Variants in NFAT5 observed in about 807,000 individuals in gnomAD.
NFAT5 encodes the protein nuclear factor of activated T cells 5, also known as nuclear factor of activated T-cells 5.
NFAT5 carries 31 observed loss-of-function variants against 166.5 expected under a neutral mutation model. The observed-to-expected ratio is 0.19, with a 90% CI of 0.14 to 0.25. The LOEUF (loss-of-function observed/expected upper bound fraction) is 0.25. Ranked by LOEUF, NFAT5 falls within the 10% of genes least tolerant of loss-of-function variation. The pLI, the probability that NFAT5 is intolerant of heterozygous loss-of-function variation, is 1.00. For missense variants in NFAT5, 1,449 were observed against 1,821.8 expected (o/e 0.80, Z 3.72); for synonymous variants, 612 against 639.7 (o/e 0.96, Z 0.65).
intron 3 of NFAT5, among the ~76,000 whole-genome samples, chr16:69,634,305 C>T (rs907119033): frequency 1.4e-5 from 2 of 143,724 alleles, no homozygotes; most frequent in Non-Finnish European, 3.0e-5. Context: ...AAAAATCATA[C>T]ATAGTAAAAT....
intron 2 of NFAT5, among the ~76,000 whole-genome samples, chr16:69,575,827 A>G (rs973970352): frequency 1.3e-5 from 2 of 152,180 alleles, no homozygotes; most frequent in Non-Finnish European, 2.9e-5. Flanking sequence ...TTTCACATTT[A>G]ACTCTTAGAA....
Position 69,692,562 on chromosome 16 carries a change from G to A in NFAT5, c.2737G>A (p.Ala913Thr), listed in dbSNP as rs1171701258. The A allele has an allele frequency of 1.1e-5, 17 of 1,613,974 alleles. No individual in the cohort carries two copies. Among genetic ancestry groups the A allele is most frequent in the African/African-American group, 4.0e-5 (3 of 74,892 alleles). The change falls in exon 13 of 15, where the codon GCA (alanine) becomes ACA (threonine). Residue 913 changes from alanine to threonine, a missense_variant. Transcript: ENST00000349945. ...QQQQVMESSA[A>T]MVMEMQQSIC... The stretch of plus-strand genomic sequence containing the variant: ...ACAGCAAGTGATGGAATCTTCAGCC[G>A]CAATGGTGATGGAGATGCAACAGAG...
intron 11 of NFAT5, among the ~76,000 whole-genome samples, chr16:69,688,469 G>A (rs1322897377): frequency 1.3e-5 from 2 of 151,986 alleles, no homozygotes; most frequent in African/African-American, 4.8e-5. Context: ...TCTGACCTCT[G>A]CCTCCTGGGT....
intron 1 of NFAT5, 71 bp from the exon 2 acceptor site, chr16:69,568,424 A>G (rs1030045913): frequency 9.7e-7 from 1 of 1,028,916 alleles, no homozygotes; most frequent in East Asian, 2.5e-5. Flanking sequence ...TATATAAGAG[A>G]TGTATGCTAT....
chr16:69,646,435 C>T (rs2151620146), intron 3 of NFAT5: 1 of 530,660 alleles, frequency 1.9e-6, no homozygotes, highest in Admixed American at 3.9e-5. Context: ...TATATTTTTT[C>T]TATTTATTTC....
chr16:69,621,449 A>G (rs1383622972), intron 2 of NFAT5, among the ~76,000 whole-genome samples: 1 of 151,968 alleles, frequency 6.6e-6, no homozygotes, highest in Non-Finnish European at 1.5e-5. Flanking sequence ...TTTCTCTCTC[A>G]TCTAAGTGAT....
intron 2 of NFAT5, among the ~76,000 whole-genome samples, chr16:69,608,092 C>T (rs1489997982): frequency 6.6e-6 from 1 of 151,692 alleles, no homozygotes; most frequent in African/African-American, 2.4e-5. Context: ...CGGTGGCTCA[C>T]GCCTGTAATC....
rs747227633 is a variant in NFAT5 at position 69,695,096 on chromosome 16, G to A, written c.4415-40G>A. 4 of 1,398,362 alleles carry A rather than the reference G, an allele frequency of 2.9e-6. No homozygotes were observed. The Admixed American group carries it at 5.2e-5, about 18-fold the overall frequency. The allele number at this position is 1,398,362 out of a possible 1,614,324, so 86.6% of individuals were successfully genotyped here. On this transcript the variant is annotated intron_variant, in intron 13 of 14. Coordinates refer to ENST00000349945, the MANE Select transcript of NFAT5 (RefSeq NM_138713.4). The stretch of plus-strand genomic sequence containing the variant: ...TCTATTTTTAATGTTTCTGCAGACT[G>A]TAGTCAGCTTTTAAGCTTCTGTTTT...
intron 10 of NFAT5, among the ~76,000 whole-genome samples, chr16:69,681,361 CATT>C (rs2037051517): frequency 6.6e-6 from 1 of 152,144 alleles, no homozygotes; most frequent in African/African-American, 2.4e-5. Flanking sequence ...ACTAACAAAT[CATT>C]AAGTGAAATA....
rs1370369389 is a variant in NFAT5, at chr16:69,674,620, A to G, written c.1558-2583A>G. Among the ~76,000 whole-genome samples, 4 of 152,316 alleles carry G rather than the reference A, an allele frequency of 2.6e-5. No homozygotes were observed. In the East Asian group the frequency reaches 7.7e-4, roughly 29 times the overall value. ...AGAACTAGACTAAACAAAGACTTGA[A>G]AGCTTAGAGTTATGTTTTTCAAATC... On this transcript the variant is annotated intron_variant, in intron 9 of 14. Coordinates refer to ENST00000349945, the MANE Select transcript of NFAT5 (RefSeq NM_138713.4).
Position 69,693,611 on chromosome 16 carries a change from C to T in NFAT5, c.3786C>T (p.Asn1262=), listed in dbSNP as rs148486602. Reference sequence around the variant, plus strand: ...ACTCAATAGTTGCCATGCAGAGTAACTCTCCATCCCAGGAACAGCAGCAGC... The same window carrying T: ...ACTCAATAGTTGCCATGCAGAGTAATTCTCCATCCCAGGAACAGCAGCAGC... ...SQHSIVAMQS[N]SPSQEQQQQQ... Residue 1262 remains asparagine (N), a synonymous_variant, in exon 13 of 15, where the codon AAC becomes AAT. Transcript: ENST00000349945. 4.3e-5 allele frequency: 69 copies of T among 1,614,060 alleles called. No homozygotes were observed. The highest frequency in any genetic ancestry group is 6.7e-5 in the Admixed American group (4 of 59,996).
intron 2 of NFAT5, among the ~76,000 whole-genome samples, chr16:69,598,866 T>A (rs2032960826): frequency 6.6e-6 from 1 of 151,368 alleles, no homozygotes; most frequent in South Asian, 2.1e-4. Flanking sequence ...ATACAAAAAT[T>A]AGCCGGGCGC....
chr16:69,686,753 G>A (rs1196420018), intron 11 of NFAT5, among the ~76,000 whole-genome samples: 1 of 151,784 alleles, frequency 6.6e-6, no homozygotes, highest in Admixed American at 6.6e-5. Flanking sequence ...AATCCCAGCT[G>A]CTTGGGAGAT....
In NFAT5 at chr16:69,704,377, A is replaced by G. The variant is rs2037947829; in HGVS notation, c.*8026A>G. The G allele has an allele frequency of 1.3e-5, 2 of 152,630 alleles. No individual in the cohort carries two copies. The highest frequency in any genetic ancestry group is 2.4e-5 in the African/African-American group (1 of 41,446). 9.5% of individuals were successfully genotyped at this position (152,630 alleles called of 1,614,324 possible). ...TATTTAATTTTATTTGCTTGAGCAC[A>G]CTGATCAACCACTGAACTGCCTTCT... On this transcript the variant is annotated 3_prime_UTR_variant, in exon 15 of 15. Coordinates refer to ENST00000349945, the MANE Select transcript of NFAT5 (RefSeq NM_138713.4).
intron 2 of NFAT5, among the ~76,000 whole-genome samples, chr16:69,581,889 GGTGA>G (rs1300843110): frequency 6.6e-6 from 1 of 151,784 alleles, no homozygotes; most frequent in Non-Finnish European, 1.5e-5. Flanking sequence ...AACTTTTTTT[GGTGA>G]GAACGCTTAA....
At chr16:69,680,638 C>A (rs975129226) in intron 10 of NFAT5, among the ~76,000 whole-genome samples, 1 of 152,126 alleles carries the variant, frequency 6.6e-6, no homozygotes, top group African/African-American at 2.4e-5. Flanking sequence ...TCTTAGAAAA[C>A]CTTGTTTGAA....
intron 2 of NFAT5, among the ~76,000 whole-genome samples, chr16:69,584,557 T>C (rs746034929): frequency 6.6e-6 from 1 of 152,084 alleles, no homozygotes; most frequent in Non-Finnish European, 1.5e-5. Flanking sequence ...CTCGAATTCC[T>C]GACCTTAAGT....
intron 7 of NFAT5, among the ~76,000 whole-genome samples, chr16:69,662,677 G>T (rs1597495740): frequency 6.6e-6 from 1 of 151,916 alleles, no homozygotes; most frequent in Non-Finnish European, 1.5e-5. Context: ...AGCCAGGATG[G>T]TCTCGATCTC....
chr16:69,647,160 C>T lies in NFAT5; in HGVS notation c.386C>T (p.Ala129Val). The stretch of plus-strand genomic sequence containing the variant: ...ATGCAAGTGGAGAGCTGCTCCTCAG[C>T]CGTGGGGGTAAGTAACAGAGGGGTA... ...KAMQVESCSS[A>V]VGVSNRGVSE... Residue 129 changes from alanine to valine, a missense_variant, in exon 4 of 15, where the codon GCC becomes GTC. Transcript: ENST00000349945. The surrounding 1 kb of genome is among the most constrained non-coding windows in gnomAD (Gnocchi z 4.8). 1 of 1,614,140 alleles carries T rather than the reference C, an allele frequency of 6.2e-7. No individual in the cohort carries two copies. The highest frequency in any genetic ancestry group is 8.5e-7 in the Non-Finnish European group (1 of 1,180,014).
Sources: gnomAD v4.1 joint callset for allele counts (sites outside exome capture counted in the v4.1 genomes callset) on GRCh38, gnomAD v4.1.1 for gene constraint, Gnocchi (gnomAD v3.1) non-coding constraint, MANE v1.5 for transcripts, NCBI Gene and HGNC (gene_info 2026-07-23, HGNC 2026-07-21) for gene names.